DOK6: variants seen among roughly 807,000 people sequenced by gnomAD.
DOK6 encodes the protein docking protein 6, also known as downstream of tyrosine kinase 6.
DOK6 carries 22 observed loss-of-function variants against 44.0 expected under a neutral mutation model. The ratio of observed to expected loss-of-function variants is 0.50; its 90% CI spans 0.36 to 0.71. DOK6 has a LOEUF of 0.71. Among genes scored for constraint, DOK6 ranks in the 30% least tolerant of loss-of-function variants. The pLI, the probability that DOK6 is intolerant of heterozygous loss-of-function variation, is 0.00. For synonymous variants in DOK6, 166 were observed against 145.5 expected (o/e 1.14, Z -1.01); for missense variants, 340 against 416.4 (o/e 0.82, Z 1.60).
intron 3 of DOK6, among the ~76,000 whole-genome samples, chr18:69,621,652 C>T (rs911673756): frequency 1.3e-5 from 2 of 152,016 alleles, no homozygotes; most frequent in Non-Finnish European, 2.9e-5. Flanking sequence ...GGTTGGTGAT[C>T]TTGATGGAGT....
At chr18:69,680,509 C>T (rs535228665) in intron 4 of DOK6, among the ~76,000 whole-genome samples, 26 of 152,288 alleles carry the variant, frequency 1.7e-4, no homozygotes, top group African/African-American at 6.0e-4. Context: ...TTTGCATCAA[C>T]ACGTTAGGAG....
intron 1 of DOK6, among the ~76,000 whole-genome samples, chr18:69,445,985 C>T (rs1211200389): frequency 6.6e-6 from 1 of 151,966 alleles, no homozygotes; most frequent in Non-Finnish European, 1.5e-5. Flanking sequence ...TTTGAGTCCT[C>T]TCTTTTTTTC....
chr18:69,617,041 G>A (rs1984300697), intron 3 of DOK6, among the ~76,000 whole-genome samples: 1 of 151,998 alleles, frequency 6.6e-6, no homozygotes, highest in African/African-American at 2.4e-5. Context: ...ATAGATCTCA[G>A]GACTGAGTTT....
intron 1 of DOK6, among the ~76,000 whole-genome samples, chr18:69,526,062 T>C (rs1981822649): frequency 6.6e-6 from 1 of 152,150 alleles, no homozygotes; most frequent in Non-Finnish European, 1.5e-5. Context: ...ATTAAATTGT[T>C]ATTACGGCTT....
At chr18:69,495,218 A>C (rs533462086) in intron 1 of DOK6, among the ~76,000 whole-genome samples, 33 of 152,308 alleles carry the variant, frequency 2.2e-4, no homozygotes, top group African/African-American at 7.7e-4. Context: ...AGGGAGTCAC[A>C]GTCTTGGCTT....
Position 69,842,801 on chromosome 18 carries a change from T to G in DOK6, c.*1418T>G, listed in dbSNP as rs1390698610. On this transcript the variant is annotated 3_prime_UTR_variant, in exon 8 of 8. Transcript: ENST00000382713. ...AATAAAAATTATCCTGCCTGAATCA[T>G]CTGATGCTTTGTGCCTAAGATGGTT... The G allele has an allele frequency of 6.6e-6, 1 of 152,188 alleles. No individual in the cohort carries two copies. Among genetic ancestry groups the G allele is most frequent in the Non-Finnish European group, 1.5e-5 (1 of 68,028 alleles). 9.4% of individuals were successfully genotyped at this position (152,188 alleles called of 1,614,324 possible).
chr18:69,838,774 C>T (rs756514120), intron 7 of DOK6, among the ~76,000 whole-genome samples: 72 of 151,134 alleles, frequency 4.8e-4, no homozygotes, highest in Non-Finnish European at 8.3e-4. Flanking sequence ...AGCCCCTCCC[C>T]TAGAGCCTCC....
intron 7 of DOK6, among the ~76,000 whole-genome samples, chr18:69,829,252 A>AT (rs973860748): frequency 1.0e-5 from 1 of 98,938 alleles, no homozygotes; most frequent in African/African-American, 2.8e-5. Flanking sequence ...TGGTTCCTTA[A>AT]TTAAAAAAAA....
intron 7 of DOK6, among the ~76,000 whole-genome samples, chr18:69,759,557 G>T (rs1480654068): frequency 6.6e-6 from 1 of 152,056 alleles, no homozygotes; most frequent in Non-Finnish European, 1.5e-5. Context: ...AAAAACTCTT[G>T]TTTTCATGGT....
intron 1 of DOK6, among the ~76,000 whole-genome samples, chr18:69,440,129 G>C (rs1486131264): frequency 6.6e-6 from 1 of 152,108 alleles, no homozygotes; most frequent in Non-Finnish European, 1.5e-5. Context: ...CTGAGAAGAG[G>C]GAGAGAAGTG....
chr18:69,636,973 T>G (rs955655083), intron 3 of DOK6, among the ~76,000 whole-genome samples: 5 of 152,182 alleles, frequency 3.3e-5, no homozygotes, highest in African/African-American at 1.2e-4. Flanking sequence ...TATAGGATGA[T>G]TGTGTACATA....
At chr18:69,475,341 C>T (rs533689245) in intron 1 of DOK6, among the ~76,000 whole-genome samples, 8 of 152,220 alleles carry the variant, frequency 5.3e-5, no homozygotes, top group Admixed American at 4.6e-4. Context: ...GGATTGGACC[C>T]AGTGGAAATG....
chr18:69,769,388 A>G (rs1169078516), intron 7 of DOK6, among the ~76,000 whole-genome samples: 3 of 152,082 alleles, frequency 2.0e-5, no homozygotes, highest in Admixed American at 6.6e-5. Context: ...TATCATTTCC[A>G]GTTTAGGATT....
chr18:69,442,214 A>G (rs1231585800), intron 1 of DOK6, among the ~76,000 whole-genome samples: 3 of 152,112 alleles, frequency 2.0e-5, no homozygotes, highest in African/African-American at 7.2e-5. Context: ...TTGAAAGCAT[A>G]TTTTATGTTC....
chr18:69,428,109 T>C (rs1978695417), intron 1 of DOK6, among the ~76,000 whole-genome samples: 1 of 152,140 alleles, frequency 6.6e-6, no homozygotes, highest in East Asian at 1.9e-4. Context: ...TGATTTACTT[T>C]CTTTATAGTT....
chr18:69,583,886 A>C (rs901807458), intron 2 of DOK6, among the ~76,000 whole-genome samples: 1 of 152,154 alleles, frequency 6.6e-6, no homozygotes, highest in Non-Finnish European at 1.5e-5. Flanking sequence ...AGGCGGGAGG[A>C]TCATGAAGTC....
intron 3 of DOK6, among the ~76,000 whole-genome samples, chr18:69,651,645 C>T (rs944278606): frequency 3.3e-5 from 5 of 151,956 alleles, no homozygotes; most frequent in Non-Finnish European, 5.9e-5. Context: ...TGTGCCACCA[C>T]ACCCAGCTAA....
intron 1 of DOK6, among the ~76,000 whole-genome samples, chr18:69,518,230 A>G (rs1382791028): frequency 2.0e-5 from 3 of 152,152 alleles, no homozygotes; most frequent in Non-Finnish European, 2.9e-5. Context: ...GTAAAATTGT[A>G]AAGACCTGAA....
chr18:69,573,268 A>G (rs1160602271), intron 2 of DOK6, among the ~76,000 whole-genome samples: 1 of 151,878 alleles, frequency 6.6e-6, no homozygotes, highest in Non-Finnish European at 1.5e-5. Context: ...TGTGAAAATG[A>G]AGCGGCAAAA....
Sources: allele counts gnomAD v4.1 joint callset (sites outside exome capture counted in the v4.1 genomes callset), GRCh38; gene constraint gnomAD v4.1.1; transcripts MANE v1.5; gene names NCBI Gene and HGNC (gene_info 2026-07-23, HGNC 2026-07-21).